IPO11: variants seen among roughly 807,000 people sequenced by gnomAD.
IPO11 encodes the protein importin-11.
A neutral mutation model predicts 143.2 loss-of-function variants in IPO11; 66 were observed. The observed-to-expected ratio is 0.46, with a 90% CI of 0.38 to 0.57. The LOEUF (loss-of-function observed/expected upper bound fraction) is 0.57, where lower values mean the gene tolerates loss of function less well. IPO11 is among the 20% of genes least tolerant of loss of function. The pLI is 0.00. For synonymous variants in IPO11, 385 were observed against 377.8 expected, an observed-to-expected ratio of 1.02 and a Z score of -0.22; for missense variants, 1,026 against 1,141.0, an observed-to-expected ratio of 0.90 and a Z score of 1.45.
chr5:62,589,378 T>TA (rs1192106839), intron 27 of IPO11, among the ~76,000 whole-genome samples: 12 of 152,168 alleles, frequency 7.9e-5, no homozygotes, highest in Admixed American at 7.9e-4. Flanking sequence ...TCTTCCTTCT[T>TA]ATGTCTTTGC....
chr5:62,508,548 T>C (rs1034348598), intron 19 of IPO11, among the ~76,000 whole-genome samples: 5 of 151,966 alleles, frequency 3.3e-5, no homozygotes, highest in Admixed American at 2.6e-4. Context: ...TTCTTCCTTC[T>C]TTCTTTCTTC....
intron 24 of IPO11, among the ~76,000 whole-genome samples, chr5:62,549,329 T>C (rs1405430179): frequency 4.6e-5 from 7 of 152,206 alleles, no homozygotes; most frequent in Non-Finnish European, 5.9e-5. Flanking sequence ...TTATCAACCA[T>C]GGATGCTATC....
intron 1 of IPO11, among the ~76,000 whole-genome samples, chr5:62,424,374 C>T (rs947621689): frequency 7.9e-5 from 12 of 152,056 alleles, no homozygotes; most frequent in African/African-American, 2.7e-4. Context: ...CTTGTGACCT[C>T]GTGATCCGCC....
intron 19 of IPO11, among the ~76,000 whole-genome samples, chr5:62,507,208 T>G (rs1741582577): frequency 6.6e-6 from 1 of 152,218 alleles, no homozygotes; most frequent in African/African-American, 2.4e-5. Context: ...AAGGAACTTT[T>G]CAAAGTTCAC....
chr5:62,557,960 C>T (rs1343427380), intron 26 of IPO11, among the ~76,000 whole-genome samples: 1 of 151,980 alleles, frequency 6.6e-6, no homozygotes, highest in Non-Finnish European at 1.5e-5. Flanking sequence ...TTTGTTTTTT[C>T]ATTTGTTGAG....
At chr5:62,597,669 T>C (rs1227352388) in intron 28 of IPO11, among the ~76,000 whole-genome samples, 1 of 152,186 alleles carries the variant, frequency 6.6e-6, no homozygotes, top group East Asian at 1.9e-4. Flanking sequence ...CAGGCTGAAC[T>C]TAAAATGTGT....
At chr5:62,440,585 G>A (rs1744433069) in intron 2 of IPO11, among the ~76,000 whole-genome samples, 1 of 151,902 alleles carries the variant, frequency 6.6e-6, no homozygotes, top group Admixed American at 6.5e-5. Context: ...TCTAACTCCT[G>A]ACCTCAAATA....
At chr5:62,441,624 T>C (rs1218985913) in intron 2 of IPO11, among the ~76,000 whole-genome samples, 3 of 147,900 alleles carry the variant, frequency 2.0e-5, no homozygotes, top group African/African-American at 7.4e-5. Flanking sequence ...CAAGCAATTC[T>C]CCTGCCTCAG....
intron 20 of IPO11, among the ~76,000 whole-genome samples, chr5:62,520,687 T>C (rs900497062): frequency 2.6e-5 from 4 of 152,198 alleles, no homozygotes; most frequent in African/African-American, 9.7e-5. Flanking sequence ...TCCATGTCCC[T>C]ACAAAGGATG....
At chr5:62,623,732 C>T (rs1417991324) in intron 29 of IPO11, among the ~76,000 whole-genome samples, 5 of 150,810 alleles carry the variant, frequency 3.3e-5, no homozygotes, top group Admixed American at 6.6e-5. Context: ...CTGCAGTCTC[C>T]GCCTCCCGAG....
intron 27 of IPO11, among the ~76,000 whole-genome samples, chr5:62,570,355 C>G (rs1744095845): frequency 6.6e-6 from 1 of 152,126 alleles, no homozygotes. Flanking sequence ...TGAGGTGTTT[C>G]TATCTTCCTA....
chr5:62,536,552 T>TGCCAG, intron 22 of IPO11, 150 bp from the exon 23 acceptor site: 1 of 845,136 alleles, frequency 1.2e-6, no homozygotes. Flanking sequence ...AGTTTTTAGA[T>TGCCAG]ATCTGTAGAT....
intron 9 of IPO11, among the ~76,000 whole-genome samples, chr5:62,482,718 T>A (rs1293538090): frequency 6.6e-6 from 1 of 152,200 alleles, no homozygotes; most frequent in Non-Finnish European, 1.5e-5. Context: ...TTTGATAACA[T>A]TAAAATATAA....
intron 15 of IPO11, among the ~76,000 whole-genome samples, 164 bp from the exon 16 acceptor site, chr5:62,493,834 G>C (rs1196143825): frequency 6.6e-6 from 1 of 152,116 alleles, no homozygotes; most frequent in Non-Finnish European, 1.5e-5. Context: ...ATTCCAAAGT[G>C]CTGCGATTAT....
chr5:62,413,504 G>A (rs1743189712), intron 1 of IPO11: 1 of 152,124 alleles, frequency 6.6e-6, no homozygotes, highest in Admixed American at 6.6e-5. Context: ...GGGTATTTGT[G>A]ATTCAGCAAA....
At chr5:62,439,118 A>G in intron 2 of IPO11, among the ~76,000 whole-genome samples, 1 of 151,970 alleles carries the variant, frequency 6.6e-6, no homozygotes, top group South Asian at 2.1e-4. Flanking sequence ...TATTTAAATG[A>G]ATATGCTCTA....
chr5:62,546,779 C>T (rs574674576), intron 24 of IPO11, among the ~76,000 whole-genome samples: 5 of 152,212 alleles, frequency 3.3e-5, no homozygotes, highest in African/African-American at 7.2e-5. Flanking sequence ...CTGTGCATTC[C>T]ATTAAAAAGA....
At chr5:62,431,250 A>G (rs1319481616) in intron 1 of IPO11, among the ~76,000 whole-genome samples, 1 of 152,128 alleles carries the variant, frequency 6.6e-6, no homozygotes, top group Non-Finnish European at 1.5e-5. Context: ...AAGTGCTGGC[A>G]TTACAGGTGT....
chr5:62,589,934 A>G (rs185676767), intron 27 of IPO11, among the ~76,000 whole-genome samples: 1 of 152,326 alleles, frequency 6.6e-6, no homozygotes, highest in East Asian at 1.9e-4. Flanking sequence ...GACTTCTTCC[A>G]AAAGATGAGC....
Sources: gnomAD v4.1 joint callset for allele counts (sites outside exome capture counted in the v4.1 genomes callset) on GRCh38, gnomAD v4.1.1 for gene constraint, MANE v1.5 for transcripts, NCBI Gene and HGNC (gene_info 2026-07-23, HGNC 2026-07-21) for gene names.